CSF2RB: variants seen among roughly 807,000 people sequenced by gnomAD.
CSF2RB encodes colony stimulating factor 2 receptor subunit beta, also known as cytokine receptor common subunit beta.
In CSF2RB, 22 loss-of-function variants were observed where a neutral mutation model predicts 67.2. The ratio of observed to expected loss-of-function variants is 0.33; its 90% CI spans 0.23 to 0.47. The LOEUF is 0.47. Ranked by LOEUF, CSF2RB falls within the 20% of genes least tolerant of loss-of-function variation. The probability of loss-of-function intolerance (pLI) is 1.00; values close to 1 mark genes in which losing one functional copy is unlikely to be tolerated. For synonymous variants in CSF2RB, 507 were observed against 482.9 expected, an observed-to-expected ratio of 1.05 and a Z score of -0.65; for missense variants, 1,113 against 1,174.5, an observed-to-expected ratio of 0.95 and a Z score of 0.76.
At chr22:36,933,751 A>G in intron 9 of CSF2RB, 81 bp from the exon 10 acceptor site, 1 of 1,525,330 alleles carries the variant, frequency 6.6e-7, no homozygotes, top group African/African-American at 1.4e-5. Flanking sequence ...GAGCCAGCGA[A>G]GCCGAGGGTC....
chr22:36,923,516 C>G (rs1170095365), intron 3 of CSF2RB, 149 bp downstream of exon 3: 4 of 1,330,168 alleles, frequency 3.0e-6, no homozygotes, highest in Non-Finnish European at 4.1e-6. Context: ...CCTGCAAGAG[C>G]TCCTGCTCCG....
intron 2 of CSF2RB, 44 bp from the exon 3 acceptor site, chr22:36,923,200 C>A (rs1408281972): frequency 6.2e-7 from 1 of 1,613,918 alleles, no homozygotes; most frequent in Non-Finnish European, 8.5e-7. Flanking sequence ...TGACAAGGGT[C>A]CCTGCAGGAA....
In CSF2RB at chr22:36,938,406, C is replaced by T; in HGVS notation, c.2598C>T (p.Pro866=). The T allele has an allele frequency of 6.2e-7, 1 of 1,614,192 alleles. No homozygotes were observed. Among genetic ancestry groups the T allele is most frequent in the Non-Finnish European group, 8.5e-7 (1 of 1,180,018 alleles). The change falls in exon 14 of 14, where the codon CCC becomes CCT. Residue 866 remains proline, a synonymous_variant. Transcript: ENST00000403662. The part of the protein sequence containing the change: ...QVKKPPGQAV[P]QVPVIQLFKA... Reference sequence around the variant, plus strand: ...AGAAGCCCCCAGGCCAGGCTGTGCCCCAGGTGCCCGTCATTCAGCTCTTCA... The same window carrying T: ...AGAAGCCCCCAGGCCAGGCTGTGCCTCAGGTGCCCGTCATTCAGCTCTTCA...
At chr22:36,914,577 T>A (rs1174147729) in intron 1 of CSF2RB, among the ~76,000 whole-genome samples, 1 of 152,058 alleles carries the variant, frequency 6.6e-6, no homozygotes, top group African/African-American at 2.4e-5. Context: ...TGTGCAGGTG[T>A]GTGTACTGGC....
At chr22:36,922,578 C>A (rs1213684668) in intron 2 of CSF2RB, 1 of 551,712 alleles carries the variant, frequency 1.8e-6, no homozygotes, top group African/African-American at 1.9e-5. Context: ...TTCCCTGCCC[C>A]TCCTTCCCCA....
At chr22:36,926,369 G>A (rs1941017637) in intron 4 of CSF2RB, among the ~76,000 whole-genome samples, 192 bp downstream of exon 4, 1 of 152,206 alleles carries the variant, frequency 6.6e-6, no homozygotes, top group African/African-American at 2.4e-5. Context: ...GGCTTCTCCT[G>A]TGCCCCTGGC....
chr22:36,927,899 C>T (rs1941057964), intron 4 of CSF2RB, among the ~76,000 whole-genome samples: 1 of 152,186 alleles, frequency 6.6e-6, no homozygotes, highest in Non-Finnish European at 1.5e-5. Flanking sequence ...GATATACACA[C>T]AATTCATTCA....
rs55664200 is a variant in CSF2RB, at chr22:36,932,434, C to CAA, written c.1013-312_1013-311dup. On this transcript the variant is annotated intron_variant, in intron 8 of 13. Transcript: ENST00000403662. The stretch of plus-strand genomic sequence containing the variant: ...TGGGCAACAGAGTGAGACTCCGTCT[C>CAA]AAAAAAAAAAAAAAAAAAAATAGCC... 0.044 allele frequency among the ~76,000 whole-genome samples: 4,693 copies of CAA among 107,324 alleles called. 169 individuals are homozygous for CAA. Among genetic ancestry groups the CAA allele is most frequent in the African/African-American group, 0.1 (2,773 of 27,250 alleles). 70.4% of individuals were successfully genotyped at this position (107,324 alleles called of 152,430 possible).
In CSF2RB at chr22:36,936,665, G is replaced by A. The variant is rs550689862; in HGVS notation, c.1568+13G>A. 37 of 1,602,398 alleles carry A rather than the reference G, an allele frequency of 2.3e-5. No individual in the cohort carries two copies. The highest frequency in any genetic ancestry group is 1.0e-4 in the Admixed American group (6 of 59,982). ...CTGAGCTGGAGGGGTGAGTGGGCTCGTGGATCACTCCTGACCTTTGGGGTT... is the reference window on the plus strand; with the variant it reads ...CTGAGCTGGAGGGGTGAGTGGGCTCATGGATCACTCCTGACCTTTGGGGTT... On this transcript the variant is annotated intron_variant, in intron 13 of 13. Transcript: ENST00000403662.
At chr22:36,916,469 A>G (rs1940715423) in intron 1 of CSF2RB, among the ~76,000 whole-genome samples, 1 of 151,962 alleles carries the variant, frequency 6.6e-6, no homozygotes, top group Admixed American at 6.6e-5. Flanking sequence ...TATTTTCTTT[A>G]TTGTTTTCTC....
At chr22:36,920,771 C>T (rs974770580) in intron 1 of CSF2RB, among the ~76,000 whole-genome samples, 7 of 152,196 alleles carry the variant, frequency 4.6e-5, no homozygotes, top group Non-Finnish European at 7.3e-5. Context: ...TTGCAGCTTT[C>T]ATAGGATGTA....
In CSF2RB at chr22:36,929,504, C is replaced by A. The variant is rs1217163540; in HGVS notation, c.494C>A (p.Ser165Tyr). 6.2e-7 allele frequency: 1 copy of A among 1,614,210 alleles called. No individual in the cohort carries two copies. Among genetic ancestry groups the A allele is most frequent in the Non-Finnish European group, 8.5e-7 (1 of 1,180,036 alleles). Residue 165 changes from serine (S) to tyrosine (Y), a missense_variant, in exon 5 of 14, where the codon TCC becomes TAC. Physicochemically the swap from Ser to Tyr is moderately radical, Grantham distance 144 (BLOSUM62 -2). Around this residue, in one of 2 missense-constraint regions of CSF2RB, gnomAD observed 559 missense variants for 656.5 expected, o/e 0.85. Transcript: ENST00000403662. Reference protein sequence around the residue: ...ALGSPQSHWLSPGDLEFEVVY... With the variant: ...ALGSPQSHWLYPGDLEFEVVY... ...GGGAGTCCCCAGAGCCACTGGTTGT[C>A]CCCAGGGGATCTGGAGTTTGAGGTG...
chr22:36,932,230 C>T (rs1445579988), intron 8 of CSF2RB, among the ~76,000 whole-genome samples: 1 of 152,048 alleles, frequency 6.6e-6, no homozygotes, highest in Non-Finnish European at 1.5e-5. Flanking sequence ...AGGTCAGGAG[C>T]TCAAGACCAG....
chr22:36,917,688 C>T (rs1401465786), intron 1 of CSF2RB, among the ~76,000 whole-genome samples: 1 of 152,154 alleles, frequency 6.6e-6, no homozygotes, highest in Non-Finnish European at 1.5e-5. Flanking sequence ...CTTTGGGAGG[C>T]CAAGGTGGGC....
chr22:36,921,123 GTGTGTGAATTTC>G (rs1270525226), intron 1 of CSF2RB, among the ~76,000 whole-genome samples: 8 of 151,262 alleles, frequency 5.3e-5, no homozygotes, highest in Non-Finnish European at 1.2e-4. Context: ...GTGTGCCTCT[GTGTGTGAATTTC>G]TGTGTATGTG....
chr22:36,930,532 C>A (rs759697603), intron 7 of CSF2RB, 22 bp downstream of exon 7: 73 of 1,612,626 alleles, frequency 4.5e-5, no homozygotes, highest in Non-Finnish European at 6.1e-5. Context: ...TTTTCTCCAT[C>A]CCCTCCCCTC....
intron 1 of CSF2RB, among the ~76,000 whole-genome samples, chr22:36,921,057 T>G (rs1940852501): frequency 6.6e-6 from 1 of 151,534 alleles, no homozygotes; most frequent in Non-Finnish European, 1.5e-5. Context: ...AGGTGGTATA[T>G]GCGAGTGTGT....
In CSF2RB at chr22:36,917,223, A is replaced by G. The variant is rs141573264; in HGVS notation, c.-173+3546A>G. Among the ~76,000 whole-genome samples, 683 of 152,278 alleles carry G rather than the reference A, an allele frequency of 4.5e-3. 6 individuals carry two copies. Among genetic ancestry groups the G allele is most frequent in the African/African-American group, 0.016 (655 of 41,544 alleles). On this transcript the variant is annotated intron_variant, in intron 1 of 13. Coordinates refer to ENST00000403662, the MANE Select transcript of CSF2RB (RefSeq NM_000395.3). ...ATCCGTTCATCTGTTTGTTTGAATC[A>G]TAAATAGGTTTCTTAAGGGTTCTCC...
intron 6 of CSF2RB, among the ~76,000 whole-genome samples, chr22:36,930,088 G>A (rs1485855563): frequency 3.3e-5 from 5 of 152,208 alleles, no homozygotes; most frequent in Non-Finnish European, 7.3e-5. Flanking sequence ...TGTTAATGGA[G>A]GCTACAGGAT....
Sources: gnomAD v4.1 joint callset for allele counts (sites outside exome capture counted in the v4.1 genomes callset) on GRCh38, gnomAD v4.1.1 for gene constraint, gnomAD v4.1.1 regional missense constraint, MANE v1.5 for transcripts, NCBI Gene and HGNC (gene_info 2026-07-23, HGNC 2026-07-21) for gene names.